The following LTF variants were observed in gnomAD, a reference collection of about 807,000 sequenced individuals.
LTF encodes the protein lactotransferrin, also known as epididymis luminal protein 110.
A neutral mutation model predicts 87.2 loss-of-function variants in LTF; 91 were observed. The observed-to-expected ratio is 1.04, with a 90% CI of 0.88 to 1.24. The LOEUF (loss-of-function observed/expected upper bound fraction) is 1.24. LTF is among the 50% of genes most tolerant of loss of function. The pLI is 0.00. For missense variants in LTF, 901 were observed against 904.3 expected (o/e 1.00, Z 0.05); for synonymous variants, 378 against 356.1 (o/e 1.06, Z -0.69).
chr3:46,453,428 G>T (rs1476437550), intron 6 of LTF, among the ~76,000 whole-genome samples: 3 of 152,008 alleles, frequency 2.0e-5, no homozygotes, highest in African/African-American at 7.3e-5. Flanking sequence ...GTGGCCCTGG[G>T]TGCATGTGGA....
Position 46,455,362 on chromosome 3 carries a change from C to G in LTF, c.580G>C (p.Gly194Arg). 1 of 1,614,214 alleles carries G rather than the reference C, an allele frequency of 6.2e-7. No individual in the cohort carries two copies. Among genetic ancestry groups the G allele is most frequent in the Non-Finnish European group, 8.5e-7 (1 of 1,180,038 alleles). ...QFPNLCRLCA[G>R]TGENKCAFSS... is the part of the protein sequence containing the mutation. ...AAGGCACATTTGTTTTCCCCTGTCCCCGCACACAGGCGACACAGGTTGGGG... is the reference window on the plus strand; with the variant it reads ...AAGGCACATTTGTTTTCCCCTGTCCGCGCACACAGGCGACACAGGTTGGGG... The change falls in exon 5 of 17, where the codon GGG (glycine) becomes CGG (arginine). Residue 194 changes from glycine to arginine, a missense_variant. Transcript: ENST00000231751.
In LTF at chr3:46,438,061, G is replaced by A. The variant is rs1417285077; in HGVS notation, c.1977C>T (p.Asn659=). ...KFCLFQSETK[N]LLFNDNTECL... Reference sequence around the variant, plus strand: ...ACTCAGTGTTGTCATTGAACAGAAGGTTTTTGGTTTCAGACTGGAATAAGC... The same window carrying A: ...ACTCAGTGTTGTCATTGAACAGAAGATTTTTGGTTTCAGACTGGAATAAGC... Residue 659 remains asparagine, a synonymous_variant, in exon 16 of 17, where the codon AAC becomes AAT. Coordinates refer to ENST00000231751, the MANE Select transcript of LTF (RefSeq NM_002343.6). 8 of 1,613,940 alleles carry A rather than the reference G, an allele frequency of 5.0e-6. No individual in the cohort carries two copies. Among genetic ancestry groups the A allele is most frequent in the Non-Finnish European group, 1.7e-6 (2 of 1,179,998 alleles).
intron 6 of LTF, among the ~76,000 whole-genome samples, chr3:46,452,475 A>G (rs1007810103): frequency 1.3e-5 from 2 of 152,276 alleles, no homozygotes; most frequent in African/African-American, 4.8e-5. Context: ...AATCAAAATT[A>G]AAGTATGATT....
At chr3:46,436,260 A>G (rs1702384984) in intron 16 of LTF, 31 bp from the exon 17 acceptor site, 2 of 1,600,804 alleles carry the variant, frequency 1.2e-6, no homozygotes, top group Non-Finnish European at 1.7e-6. Context: ...AGAGATTCAG[A>G]AACTGATTTC....
intron 13 of LTF, 56 bp downstream of exon 13, chr3:46,443,385 A>G: frequency 6.2e-7 from 1 of 1,600,240 alleles, no homozygotes; most frequent in Non-Finnish European, 8.6e-7. Context: ...TGCAATGCTG[A>G]CATGCTGAGG....
chr3:46,467,340 G>T (rs1377044546), upstream of LTF, among the ~76,000 whole-genome samples: 1 of 152,112 alleles, frequency 6.6e-6, no homozygotes, highest in Non-Finnish European at 1.5e-5. Flanking sequence ...TCACAGGAAT[G>T]CACTTCTATC....
upstream of LTF, among the ~76,000 whole-genome samples, chr3:46,465,866 T>A (rs1703201108): frequency 6.6e-6 from 1 of 152,164 alleles, no homozygotes. Context: ...TAGGGGAGTG[T>A]CACATACAGC....
intron 2 of LTF, among the ~76,000 whole-genome samples, chr3:46,458,611 G>C (rs1280105900): frequency 6.6e-6 from 1 of 152,186 alleles, no homozygotes; most frequent in Non-Finnish European, 1.5e-5. Context: ...TCTCGCTCTT[G>C]TCGCCCAGGC....
chr3:46,449,055 A>G, intron 8 of LTF, 38 bp from the exon 9 acceptor site: 7 of 1,571,978 alleles, frequency 4.5e-6, no homozygotes, highest in Non-Finnish European at 6.0e-6. Flanking sequence ...GGGCAACCTG[A>G]GCTTTGCCAG....
intron 5 of LTF, 29 bp from the exon 6 acceptor site, chr3:46,454,389 G>A (rs1001736974): frequency 6.3e-6 from 10 of 1,599,174 alleles, no homozygotes; most frequent in East Asian, 4.5e-5. Context: ...TCAGGGGTAA[G>A]CACAGGCAGC....
At chr3:46,464,718 CAG>C (rs1703170777) in intron 1 of LTF, 105 bp downstream of exon 1, 2 of 1,258,186 alleles carry the variant, frequency 1.6e-6, no homozygotes, top group Non-Finnish European at 2.3e-6. Context: ...CCGCGGGGCG[CAG>C]AGACCCCGCG....
chr3:46,441,516 C>G, intron 13 of LTF, 33 bp from the exon 14 acceptor site: 1 of 1,518,950 alleles, frequency 6.6e-7, no homozygotes, highest in African/African-American at 1.4e-5. Context: ...CACATAATTA[C>G]AGAAGAGAAA....
chr3:46,458,680 T>G (rs1022722990), intron 2 of LTF, among the ~76,000 whole-genome samples: 1 of 152,218 alleles, frequency 6.6e-6, no homozygotes, highest in Non-Finnish European at 1.5e-5. Context: ...GTTCAAGTGA[T>G]TCTCCTGCCT....
rs115892761 is a variant in LTF at position 46,460,583 on chromosome 3, G to T, written c.44-764C>A. 313 of 455,590 alleles carry T rather than the reference G, an allele frequency of 6.9e-4. 2 individuals are homozygous for T. The highest frequency in any genetic ancestry group is 5.9e-3 in the African/African-American group (296 of 50,168). 28.2% of individuals were successfully genotyped at this position (455,590 alleles called of 1,614,324 possible). ...TACTCACCTGGTTGCCTGATAAAAG[G>T]CATCCACAAAAAACCTGCAATGAAC... On this transcript the variant is annotated intron_variant, in intron 1 of 16. Transcript: ENST00000231751.
At position 46,478,726 on chromosome 3, in the gene LTF, G is replaced by C. The variant is rs546200248; in HGVS notation, c.-320+6260C>G. Among the ~76,000 whole-genome samples the C allele has an allele frequency of 3.9e-5, 6 of 152,320 alleles. No individual in the cohort carries two copies. In the South Asian group the frequency reaches 1.2e-3, roughly 32 times the overall value. ...AACCTGATGGCTATTTGGAAATGGA[G>C]GAAAGAGTCACAAAAGTGAGCAATT... On this transcript the variant is annotated intron_variant, in intron 1 of 19. Transcript: ENST00000443496.
chr3:46,458,062 A>T (rs1294959502), intron 2 of LTF, among the ~76,000 whole-genome samples: 1 of 151,974 alleles, frequency 6.6e-6, no homozygotes, highest in Non-Finnish European at 1.5e-5. Context: ...GGGATTACAG[A>T]TGTGAGCCAC....
upstream of LTF, among the ~76,000 whole-genome samples, chr3:46,468,678 T>C (rs891749952): frequency 2.0e-5 from 3 of 152,206 alleles, no homozygotes; most frequent in African/African-American, 7.2e-5. Context: ...AGAACTGGCT[T>C]CAGGTGGGAT....
At chr3:46,458,402 CCGAGATCAGA>C (rs959352802) in intron 2 of LTF, among the ~76,000 whole-genome samples, 7 of 152,174 alleles carry the variant, frequency 4.6e-5, no homozygotes, top group East Asian at 1.9e-4. Context: ...ATCTTATTTT[CCGAGATCAGA>C]CGAGATCAGA....
chr3:46,442,233 A>C (rs1295976705), intron 13 of LTF, among the ~76,000 whole-genome samples: 3 of 152,012 alleles, frequency 2.0e-5, no homozygotes, highest in African/African-American at 7.3e-5. Flanking sequence ...GTGTGGTGGA[A>C]AAGGTGCTGG....
Sources: gnomAD v4.1 joint callset for allele counts (sites outside exome capture counted in the v4.1 genomes callset) on GRCh38, gnomAD v4.1.1 for gene constraint, MANE v1.5 for transcripts, NCBI Gene and HGNC (gene_info 2026-07-23, HGNC 2026-07-21) for gene names.